Variants in ZNF710 observed in about 807,000 individuals in gnomAD.
ZNF710 encodes zinc finger protein 710.
A neutral mutation model predicts 50.6 loss-of-function variants in ZNF710; 13 were observed. The observed-to-expected ratio is 0.26, with a 90% CI of 0.17 to 0.41. ZNF710 has a LOEUF of 0.41. Ranked by LOEUF, ZNF710 falls within the 10% of genes least tolerant of loss-of-function variation. The probability of loss-of-function intolerance (pLI) is 1.00; values close to 1 mark genes in which losing one functional copy is unlikely to be tolerated. For synonymous variants in ZNF710, 383 were observed against 397.0 expected, an observed-to-expected ratio of 0.96 and a Z score of 0.42; for missense variants, 721 against 936.6, an observed-to-expected ratio of 0.77 and a Z score of 3.01.
Position 90,079,862 on chromosome 15 carries a change from G to T in ZNF710, c.*33G>T, listed in dbSNP as rs773756512. On this transcript the variant is annotated 3_prime_UTR_variant, in exon 5 of 5. Coordinates refer to ENST00000268154, the MANE Select transcript of ZNF710 (RefSeq NM_198526.4). ...TGGGCCACCCCTAACGGGGGCCGGG[G>T]GCGAGGGCATGGGGGTGAGACCCAT... 1 of 1,564,086 alleles carries T rather than the reference G, an allele frequency of 6.4e-7. No homozygotes were observed. Among genetic ancestry groups the T allele is most frequent in the South Asian group, 1.2e-5 (1 of 83,070 alleles).
In ZNF710 at chr15:90,068,523, C is replaced by T. The variant is rs1156802570; in HGVS notation, c.1386C>T (p.Pro462=). The T allele has an allele frequency of 6.2e-7, 1 of 1,613,122 alleles. No homozygotes were observed. The highest frequency in any genetic ancestry group is 8.5e-7 in the Non-Finnish European group (1 of 1,180,028). Residue 462 remains proline (P), a synonymous_variant, in exon 2 of 5, where the codon CCC becomes CCT. Coordinates refer to ENST00000268154, the MANE Select transcript of ZNF710 (RefSeq NM_198526.4). The surrounding 1 kb of genome is among the most constrained non-coding windows in gnomAD (Gnocchi z 5.0). ...TGCTCAAGCACCAGAACGTGCGACC[C>T]TTCGTGTGCACTGAATGCGGCATGG... ...NHMLKHQNVR[P]FVCTECGMEF...
At position 90,080,085 on chromosome 15, in the gene ZNF710, TCC is replaced by T. The variant is rs550972398; in HGVS notation, c.*258_*259del. 820 of 369,138 alleles carry T rather than the reference TCC, an allele frequency of 2.2e-3. 1 individual carries two copies. Among genetic ancestry groups the T allele is most frequent in the Admixed American group, 3.1e-3 (63 of 20,104 alleles). The allele number at this position is 369,138 out of a possible 1,614,324, so 22.9% of individuals were successfully genotyped here. A position where few individuals can be genotyped will look rare whatever the true frequency, so the allele number is the denominator to read the frequency against. Reference sequence around the variant, plus strand: ...AACACGCGAGGCCCAGATCTGGGTCTCCCTGGCCTGCTTCCGTGGGGAGTGGG... The same window carrying T: ...AACACGCGAGGCCCAGATCTGGGTCTCTGGCCTGCTTCCGTGGGGAGTGGG... On this transcript the variant is annotated 3_prime_UTR_variant, in exon 5 of 5. Transcript: ENST00000268154.
intron 1 of ZNF710, among the ~76,000 whole-genome samples, chr15:90,057,096 G>A (rs568264496): frequency 1.8e-4 from 28 of 152,226 alleles, no homozygotes; most frequent in African/African-American, 6.3e-4. Context: ...TCCTTTGTGT[G>A]TTCTTTGCAC....
chr15:90,057,513 C>T (rs1472412138), intron 1 of ZNF710, among the ~76,000 whole-genome samples: 1 of 151,940 alleles, frequency 6.6e-6, no homozygotes, highest in African/African-American at 2.4e-5. Context: ...CTGGGTAACA[C>T]GGTGAAACAC....
rs559598501 is a variant in ZNF710 at position 90,064,372 on chromosome 15, G to C, written c.-28-2738G>C. Among the ~76,000 whole-genome samples the C allele has an allele frequency of 3.3e-5, 5 of 152,378 alleles. No individual in the cohort carries two copies. The South Asian group carries it at 1.0e-3, about 32-fold the overall frequency. ...TGAATGAATGAGTTCTCTAGTGGTT[G>C]TCCTCAGAATCACTTAAGCTTTGCT... On this transcript the variant is annotated intron_variant, in intron 1 of 4. Transcript: ENST00000268154.
chr15:90,054,118 A>G (rs1160173509), intron 1 of ZNF710, among the ~76,000 whole-genome samples: 2 of 152,098 alleles, frequency 1.3e-5, no homozygotes, highest in Non-Finnish European at 2.9e-5. Context: ...ATAAAAGGAG[A>G]GTAAAAGGGA....
At chr15:90,018,962 A>T (rs1215431821) in intron 1 of ZNF710, among the ~76,000 whole-genome samples, 4 of 150,644 alleles carry the variant, frequency 2.7e-5, no homozygotes, top group Non-Finnish European at 4.4e-5. Context: ...TGGATCTTGT[A>T]TCTCTTCCTT....
intron 2 of ZNF710, among the ~76,000 whole-genome samples, chr15:90,069,889 A>G (rs1419828833): frequency 2.0e-5 from 3 of 152,004 alleles, no homozygotes; most frequent in African/African-American, 7.3e-5. Context: ...AGAGGCCCTC[A>G]TATCCGGGTA....
At chr15:90,055,146 C>A (rs1156832899) in intron 1 of ZNF710, among the ~76,000 whole-genome samples, 1 of 152,122 alleles carries the variant, frequency 6.6e-6, no homozygotes, top group African/African-American at 2.4e-5. Flanking sequence ...ATAAATAAAT[C>A]ATTAACAAAT....
chr15:90,077,642 T>C (rs1336374414), intron 4 of ZNF710, among the ~76,000 whole-genome samples: 1 of 152,144 alleles, frequency 6.6e-6, no homozygotes, highest in African/African-American at 2.4e-5. Flanking sequence ...CTATAAGATA[T>C]GGGTCAAGTG....
At chr15:90,022,405 A>G (rs1898651874) in intron 1 of ZNF710, among the ~76,000 whole-genome samples, 1 of 152,282 alleles carries the variant, frequency 6.6e-6, no homozygotes, top group East Asian at 1.9e-4. Context: ...AAAAGGAGGC[A>G]TGGGGGACTC....
chr15:90,062,916 G>T lies in ZNF710; in HGVS notation c.-28-4194G>T, dbSNP rs10468140. Among the ~76,000 whole-genome samples, 13,566 of 152,254 alleles carry T rather than the reference G, an allele frequency of 0.089. 1,969 individuals are homozygous for T. The highest frequency in any genetic ancestry group is 0.3 in the African/African-American group (12,565 of 41,524). On this transcript the variant is annotated intron_variant, in intron 1 of 4. Coordinates refer to ENST00000268154, the MANE Select transcript of ZNF710 (RefSeq NM_198526.4). This position sits in a 1 kb window ranked among gnomAD's most constrained non-coding sequence, Gnocchi z 5.6. The stretch of plus-strand genomic sequence containing the variant: ...ATGGACACGGGGCCTGCCCCCATAA[G>T]CCTCACAAAGAGAGCATTACAGGGT...
intron 1 of ZNF710, among the ~76,000 whole-genome samples, chr15:90,061,414 C>T (rs1900004383): frequency 2.0e-5 from 3 of 152,076 alleles, no homozygotes; most frequent in African/African-American, 7.2e-5. Flanking sequence ...TCAAGTGATC[C>T]GCCTGCCTCA....
rs551068065 is a variant in ZNF710, at chr15:90,028,896, C to T, written c.-29+27282C>T. On this transcript the variant is annotated intron_variant, in intron 1 of 4. Coordinates refer to ENST00000268154, the MANE Select transcript of ZNF710 (RefSeq NM_198526.4). ...AGATTGTATACACTGTGATCAAAAC[C>T]ATGTGAAAAACACATGCATGAAGAG... Among the ~76,000 whole-genome samples the T allele has an allele frequency of 5.3e-5, 8 of 152,210 alleles. No homozygotes were observed. The South Asian group carries it at 1.5e-3, about 28-fold the overall frequency.
intron 1 of ZNF710, among the ~76,000 whole-genome samples, chr15:90,011,595 C>G (rs1898306836): frequency 6.6e-6 from 1 of 152,152 alleles, no homozygotes. Context: ...TACACTTAAT[C>G]CTTTGTTTTT....
At position 90,080,565 on chromosome 15, in the gene ZNF710, A is replaced by G. The variant is rs569537399; in HGVS notation, c.*736A>G. ...GCCTCACCAGGGGGCCCCACTAGGA[A>G]CAAAGCCAGGACAGGCCCCGCGTCA... On this transcript the variant is annotated 3_prime_UTR_variant, in exon 5 of 5. Coordinates refer to ENST00000268154, the MANE Select transcript of ZNF710 (RefSeq NM_198526.4). 6.5e-6 allele frequency: 1 copy of G among 152,794 alleles called. No individual in the cohort carries two copies. The highest frequency in any genetic ancestry group is 2.1e-4 in the South Asian group (1 of 4,832). The allele number at this position is 152,794 out of a possible 1,614,324, so 9.5% of individuals were successfully genotyped here. A position where few individuals can be genotyped will look rare whatever the true frequency, so the allele number is the denominator to read the frequency against.
intron 1 of ZNF710, among the ~76,000 whole-genome samples, chr15:90,015,138 G>A (rs1437469787): frequency 6.6e-6 from 1 of 152,110 alleles, no homozygotes; most frequent in African/African-American, 2.4e-5. Context: ...TGATCCACCC[G>A]CCTCAGCCTC....
intron 1 of ZNF710, among the ~76,000 whole-genome samples, chr15:90,002,984 C>CT (rs1474820307): frequency 6.6e-6 from 1 of 152,202 alleles, no homozygotes; most frequent in Non-Finnish European, 1.5e-5. Context: ...AGCGATTCTC[C>CT]TGCCTCAACC....
intron 1 of ZNF710, among the ~76,000 whole-genome samples, chr15:90,051,308 A>G (rs1240135060): frequency 6.6e-6 from 1 of 151,766 alleles, no homozygotes; most frequent in Non-Finnish European, 1.5e-5. Context: ...GCCCTTATGA[A>G]ACACATCATT....
Sources: gnomAD v4.1 joint callset for allele counts (sites outside exome capture counted in the v4.1 genomes callset) on GRCh38, gnomAD v4.1.1 for gene constraint, Gnocchi (gnomAD v3.1) non-coding constraint, MANE v1.5 for transcripts, NCBI Gene and HGNC (gene_info 2026-07-23, HGNC 2026-07-21) for gene names.